Variants in ZC3H12C observed in about 807,000 individuals in gnomAD.
ZC3H12C encodes the protein probable ribonuclease ZC3H12C.
A neutral mutation model predicts 76.3 loss-of-function variants in ZC3H12C; 20 were observed. The observed-to-expected ratio is 0.26, with a 90% CI of 0.18 to 0.38. ZC3H12C has a LOEUF of 0.38. Among genes scored for constraint, ZC3H12C ranks in the 10% least tolerant of loss-of-function variants. ZC3H12C has a pLI of 1.00. For missense variants in ZC3H12C, 874 were observed against 1,086.5 expected, an observed-to-expected ratio of 0.80 and a Z score of 2.75; for synonymous variants, 352 against 399.6, an observed-to-expected ratio of 0.88 and a Z score of 1.42.
At chr11:110,106,453 T>C (rs10789749) in intron 1 of ZC3H12C, among the ~76,000 whole-genome samples, 106,994 of 152,016 alleles carry the variant, frequency 0.7, 37,929 homozygotes, top group East Asian at 0.89. Context: ...GTCAGAGAGA[T>C]GGAGATTGAG....
At chr11:110,161,411 A>G (rs1271949278) in intron 4 of ZC3H12C, among the ~76,000 whole-genome samples, 1 of 152,190 alleles carries the variant, frequency 6.6e-6, no homozygotes, top group Non-Finnish European at 1.5e-5. Context: ...GGTCATGATC[A>G]GAGTCTAAAA....
intron 4 of ZC3H12C, among the ~76,000 whole-genome samples, chr11:110,161,308 A>G (rs114899693): frequency 3.9e-5 from 6 of 152,266 alleles, no homozygotes; most frequent in Middle Eastern, 3.4e-3. Context: ...TTTCAGCTCT[A>G]CCGTCATATA....
At chr11:110,155,449 T>G (rs1862359780) in intron 3 of ZC3H12C, among the ~76,000 whole-genome samples, 1 of 152,064 alleles carries the variant, frequency 6.6e-6, no homozygotes, top group African/African-American at 2.4e-5. Context: ...TAGTTCCCCT[T>G]CTAAGAATAA....
In ZC3H12C at chr11:110,171,547, C is replaced by A. The variant is rs865942998; in HGVS notation, c.*5810C>A. 4 of 152,094 alleles carry A rather than the reference C, an allele frequency of 2.6e-5. No individual in the cohort carries two copies. The highest frequency in any genetic ancestry group is 2.1e-4 in the South Asian group (1 of 4,814). 9.4% of individuals were successfully genotyped at this position (152,094 alleles called of 1,614,324 possible). A position where few individuals can be genotyped will look rare whatever the true frequency, so the allele number is the denominator to read the frequency against. ...ACAATTCCCAAAACGGTATTTTAGA[C>A]CTACTGGAAATCTGTATCGAAACAG... On this transcript the variant is annotated 3_prime_UTR_variant, in exon 6 of 6. Transcript: ENST00000278590.
chr11:110,161,496 C>A (rs1862481346), intron 4 of ZC3H12C, among the ~76,000 whole-genome samples: 1 of 152,160 alleles, frequency 6.6e-6, no homozygotes, highest in Non-Finnish European at 1.5e-5. Context: ...AGAAAAAGTT[C>A]ACCTCTTGTG....
chr11:110,165,652 T>C lies in ZC3H12C; in HGVS notation c.2567T>C (p.Ile856Thr). 1.3e-6 allele frequency: 2 copies of C among 1,598,828 alleles called. No homozygotes were observed. Among genetic ancestry groups the C allele is most frequent in the South Asian group, 2.3e-5 (2 of 88,276 alleles). ...CNIFPPDLVR[I>T]VMKRNPHMTD... ...ATCTTCCCCCCTGACCTTGTGAGAATTGTCATGAAAAGGAATCCTCACATG... is the reference window on the plus strand; with the variant it reads ...ATCTTCCCCCCTGACCTTGTGAGAACTGTCATGAAAAGGAATCCTCACATG... Residue 856 changes from isoleucine (I) to threonine (T), a missense_variant, in exon 6 of 6, where the codon ATT becomes ACT. By Grantham distance (89) the Ile-to-Thr change is moderately conservative. Transcript: ENST00000278590.
At chr11:110,097,301 T>C (rs1219994482) in intron 1 of ZC3H12C, among the ~76,000 whole-genome samples, 1 of 152,248 alleles carries the variant, frequency 6.6e-6, no homozygotes, top group African/African-American at 2.4e-5. Context: ...CATAAGCAGA[T>C]ACCTGAACAT....
At chr11:110,135,450 G>A (rs1008386348) in intron 1 of ZC3H12C, among the ~76,000 whole-genome samples, 5 of 133,852 alleles carry the variant, frequency 3.7e-5, no homozygotes, top group South Asian at 2.3e-4. Context: ...AGATTACACC[G>A]CTGCACTCCA....
chr11:110,094,391 A>G (rs1200612146), intron 1 of ZC3H12C, among the ~76,000 whole-genome samples: 4 of 152,208 alleles, frequency 2.6e-5, no homozygotes, highest in Non-Finnish European at 4.4e-5. Flanking sequence ...TAAGTATTGT[A>G]TGTTTAGGAA....
intron 3 of ZC3H12C, among the ~76,000 whole-genome samples, chr11:110,153,297 C>T (rs1219067453): frequency 2.0e-5 from 3 of 152,174 alleles, no homozygotes; most frequent in Admixed American, 6.5e-5. Flanking sequence ...AAGCACTTCT[C>T]GTGCCTCAGC....
At chr11:110,154,318 T>C (rs529125115) in intron 3 of ZC3H12C, among the ~76,000 whole-genome samples, 9 of 149,508 alleles carry the variant, frequency 6.0e-5, no homozygotes, top group Admixed American at 2.7e-4. Flanking sequence ...TGCAGTGAGG[T>C]GAGATCACGC....
At position 110,137,262 on chromosome 11, in the gene ZC3H12C, G is replaced by T; in HGVS notation, c.621G>T (p.Glu207Asp). The change falls in exon 2 of 6, where the codon GAG becomes GAT. Residue 207 changes from glutamate (E) to aspartate (D), a missense_variant. Physicochemically the swap from Glu to Asp is conservative, Grantham distance 45. This residue lies in a region of ZC3H12C where 269 missense variants were observed against 424.9 expected (regional missense o/e 0.63). Transcript: ENST00000278590. Reference protein sequence around the residue: ...GELVKLGNKSEADQTVSTINT... With the variant: ...GELVKLGNKSDADQTVSTINT... ...TTGTCAAACTTGGAAATAAAAGTGA[G>T]GCTGATCAAACGGTTAGTACAATTA... The T allele has an allele frequency of 1.9e-6, 3 of 1,613,920 alleles. No homozygotes were observed. The highest frequency in any genetic ancestry group is 1.7e-6 in the Non-Finnish European group (2 of 1,179,868).
At chr11:110,121,448 T>C (rs577540692) in intron 1 of ZC3H12C, among the ~76,000 whole-genome samples, 1 of 152,228 alleles carries the variant, frequency 6.6e-6, no homozygotes, top group South Asian at 2.1e-4. Context: ...TGATGATTTG[T>C]ATTTAGAAGG....
intron 2 of ZC3H12C, among the ~76,000 whole-genome samples, chr11:110,147,474 G>A (rs776310310): frequency 6.6e-6 from 1 of 151,942 alleles, no homozygotes; most frequent in Non-Finnish European, 1.5e-5. Context: ...AGGGGAGGGA[G>A]AGCATTAGGA....
At chr11:110,136,642 A>G (rs1169588818) in intron 1 of ZC3H12C, 21 bp from the exon 2 acceptor site, 7 of 1,595,668 alleles carry the variant, frequency 4.4e-6, no homozygotes, top group African/African-American at 1.4e-5. Flanking sequence ...GAAATTCTAA[A>G]TATTTTACAT....
chr11:110,163,211 T>C, intron 4 of ZC3H12C, 62 bp from the exon 5 acceptor site: 4 of 1,426,064 alleles, frequency 2.8e-6, no homozygotes, highest in Non-Finnish European at 3.8e-6. Context: ...CTTTGTACTC[T>C]TTTTAGAATT....
At position 110,137,149 on chromosome 11, in the gene ZC3H12C, C is replaced by G; in HGVS notation, c.508C>G (p.Leu170Val). The G allele has an allele frequency of 6.2e-7, 1 of 1,613,894 alleles. No homozygotes were observed. Among genetic ancestry groups the G allele is most frequent in the Non-Finnish European group, 8.5e-7 (1 of 1,179,864 alleles). ...REYQTKLEFA[L>V]KLGYSEEQVQ... ...ATACCAAACAAAACTGGAGTTTGCACTTAAGTTAGGTTATTCTGAAGAACA... is the reference window on the plus strand; with the variant it reads ...ATACCAAACAAAACTGGAGTTTGCAGTTAAGTTAGGTTATTCTGAAGAACA... Residue 170 changes from leucine (L) to valine (V), a missense_variant, in exon 2 of 6, where the codon CTT becomes GTT. Around this residue, in one of 3 missense-constraint regions of ZC3H12C, gnomAD observed 210 missense variants for 227.1 expected, o/e 0.92. Transcript: ENST00000278590.
At chr11:110,117,724 A>ATATATAT (rs796462161) in intron 1 of ZC3H12C, among the ~76,000 whole-genome samples, 2 of 13,392 alleles carry the variant, frequency 1.5e-4, no homozygotes, top group East Asian at 0.011. Flanking sequence ...ACACACACAC[A>ATATATAT]TATATATATA....
chr11:110,160,067 G>A (rs1565268661), intron 4 of ZC3H12C, among the ~76,000 whole-genome samples: 3 of 152,238 alleles, frequency 2.0e-5, no homozygotes, highest in Non-Finnish European at 4.4e-5. Context: ...ACTGTAATAC[G>A]ATGGTATGAT....
Sources: gnomAD v4.1 joint callset for allele counts (sites outside exome capture counted in the v4.1 genomes callset) on GRCh38, gnomAD v4.1.1 for gene constraint, gnomAD v4.1.1 regional missense constraint, MANE v1.5 for transcripts, NCBI Gene and HGNC (gene_info 2026-07-23, HGNC 2026-07-21) for gene names.